The following MAML3 variants were observed in gnomAD, a reference collection of about 807,000 sequenced individuals.
MAML3 encodes the protein mastermind like transcriptional coactivator 3, also known as mastermind-like protein 3.
MAML3 carries 27 observed loss-of-function variants against 101.9 expected under a neutral mutation model. The ratio of observed to expected loss-of-function variants is 0.27; its 90% confidence interval spans 0.20 to 0.37. MAML3 has a LOEUF of 0.37. MAML3 is among the 10% of genes least tolerant of loss of function. The pLI, the probability that MAML3 is intolerant of heterozygous loss-of-function variation, is 1.00. For synonymous variants in MAML3, 501 were observed against 555.9 expected, an observed-to-expected ratio of 0.90 and a Z score of 1.39; for missense variants, 1,316 against 1,444.9, an observed-to-expected ratio of 0.91 and a Z score of 1.45.
intron 1 of MAML3, among the ~76,000 whole-genome samples, chr4:140,104,394 ATT>A (rs1491234388): frequency 1.5e-4 from 6 of 40,016 alleles, no homozygotes; most frequent in Non-Finnish European, 4.3e-4. Context: ...TATATTATAT[ATT>A]ATATAATATA....
intron 1 of MAML3, among the ~76,000 whole-genome samples, chr4:139,946,936 C>T (rs908536009): frequency 3.4e-5 from 5 of 148,184 alleles, no homozygotes; most frequent in Non-Finnish European, 7.5e-5. Context: ...CTCTCTCTCT[C>T]TCTCTCTCTC....
intron 1 of MAML3, among the ~76,000 whole-genome samples, chr4:140,092,141 G>A (rs1252882626): frequency 7.4e-6 from 1 of 135,916 alleles, no homozygotes; most frequent in African/African-American, 2.8e-5. Flanking sequence ...TAATATCAGA[G>A]GGTTAATGAA....
intron 2 of MAML3, among the ~76,000 whole-genome samples, chr4:139,857,364 C>T (rs1042257884): frequency 2.6e-5 from 4 of 152,062 alleles, no homozygotes; most frequent in African/African-American, 7.2e-5. Context: ...GGTCCCCCAC[C>T]CCACCCCCTT....
intron 2 of MAML3, among the ~76,000 whole-genome samples, chr4:139,872,653 A>C (rs954577157): frequency 1.3e-5 from 2 of 152,226 alleles, no homozygotes; most frequent in Non-Finnish European, 2.9e-5. Flanking sequence ...GAACTTCAGA[A>C]GGAAGGACAG....
intron 1 of MAML3, among the ~76,000 whole-genome samples, chr4:139,996,686 C>CATGTGTGTGTGTGTGTGTGT (rs59834103): frequency 2.0e-4 from 30 of 151,024 alleles, no homozygotes; most frequent in African/African-American, 7.3e-4. Flanking sequence ...ATAGTTGTAT[C>CATGTGTGTGTGTGTGTGTGT]GTGTGTGTGT....
At chr4:139,879,064 T>G (rs989786444) in intron 2 of MAML3, among the ~76,000 whole-genome samples, 1 of 152,150 alleles carries the variant, frequency 6.6e-6, no homozygotes, top group Admixed American at 6.6e-5. Context: ...TTTGTCCTAT[T>G]CAGAGAATCA....
At chr4:139,761,817 C>T (rs950818382) in intron 2 of MAML3, among the ~76,000 whole-genome samples, 1 of 152,118 alleles carries the variant, frequency 6.6e-6, no homozygotes, top group African/African-American at 2.4e-5. Context: ...CTGGCTGGGT[C>T]AAGGGGAGTC....
intron 1 of MAML3, among the ~76,000 whole-genome samples, chr4:140,108,754 C>T (rs1343626253): frequency 2.0e-5 from 3 of 151,766 alleles, no homozygotes; most frequent in South Asian, 4.2e-4. Flanking sequence ...TTTTCACCTA[C>T]TCTTGTTAAG....
Position 139,785,598 on chromosome 4 carries a change from G to A in MAML3, c.2080-54931C>T, listed in dbSNP as rs767111297. On this transcript the variant is annotated intron_variant, in intron 2 of 4. Coordinates refer to ENST00000509479, the MANE Select transcript of MAML3 (RefSeq NM_018717.5). This position sits in a 1 kb window ranked among gnomAD's most constrained non-coding sequence, Gnocchi z 4.3. ...TGTTTGGAAAAATATCACCCAGCAC[G>A]AACAATATGGCTCCCCAGCGCCTGG... Among the ~76,000 whole-genome samples the A allele has an allele frequency of 1.2e-4, 18 of 152,142 alleles. No homozygotes were observed. The highest frequency in any genetic ancestry group is 2.6e-4 in the Admixed American group (4 of 15,258).
intron 2 of MAML3, among the ~76,000 whole-genome samples, chr4:139,752,295 A>G (rs1036554956): frequency 1.4e-4 from 21 of 152,242 alleles, no homozygotes; most frequent in African/African-American, 4.8e-4. Context: ...AGATGTAAAA[A>G]TGTGCATCTT....
chr4:140,039,500 C>G (rs1727045391), intron 1 of MAML3, among the ~76,000 whole-genome samples: 1 of 152,068 alleles, frequency 6.6e-6, no homozygotes, highest in African/African-American at 2.4e-5. Flanking sequence ...TCTGAATCAC[C>G]AGGCCCCTAA....
chr4:139,812,985 AAAAG>A (rs34518452), intron 2 of MAML3, among the ~76,000 whole-genome samples: 3,742 of 151,038 alleles, frequency 0.025, 171 homozygotes, highest in African/African-American at 0.086. Flanking sequence ...AAAAAAAAAA[AAAAG>A]GGGAGAACCT....
chr4:139,717,220 A>G lies in MAML3; in HGVS notation c.*2103T>C, dbSNP rs1299002548. On this transcript the variant is annotated 3_prime_UTR_variant, in exon 5 of 5. Coordinates refer to ENST00000509479, the MANE Select transcript of MAML3 (RefSeq NM_018717.5). The stretch of plus-strand genomic sequence containing the variant: ...TACCTATTAGTTGGTCCCAGTACTG[A>G]GCATTTGGAGGAAGCTTTTAAAAGA... 1.3e-5 allele frequency: 2 copies of G among 152,436 alleles called. No individual in the cohort carries two copies. The highest frequency in any genetic ancestry group is 2.9e-5 in the Non-Finnish European group (2 of 68,016). 9.4% of individuals were successfully genotyped at this position (152,436 alleles called of 1,614,324 possible).
intron 2 of MAML3, among the ~76,000 whole-genome samples, chr4:139,881,210 C>T (rs146842651): frequency 5.3e-5 from 8 of 152,040 alleles, no homozygotes; most frequent in East Asian, 3.9e-4. Flanking sequence ...AAGAAGAAGG[C>T]GGGTGGATTA....
intron 1 of MAML3, among the ~76,000 whole-genome samples, chr4:140,121,294 T>C (rs1728602601): frequency 6.6e-6 from 1 of 152,230 alleles, no homozygotes; most frequent in Admixed American, 6.5e-5. Context: ...AAATGTTAAA[T>C]ACTCCTTATT....
In MAML3 at chr4:139,998,688, A is replaced by G. The variant is rs753514917; in HGVS notation, c.469-107721T>C. Among the ~76,000 whole-genome samples the G allele has an allele frequency of 3.2e-4, 48 of 152,338 alleles. 1 individual carries two copies. The highest frequency in any genetic ancestry group is 5.9e-4 in the Non-Finnish European group (40 of 68,026). On this transcript the variant is annotated intron_variant, in intron 1 of 4. Coordinates refer to ENST00000509479, the MANE Select transcript of MAML3 (RefSeq NM_018717.5). ...GAAAATGGACATTAAAGATGATACA[A>G]TGCAGCAATTCTGGATTCTGGTATT...
chr4:139,790,130 C>T lies in MAML3; in HGVS notation c.2080-59463G>A, dbSNP rs531536111. ...ATGGTGTTCTCATCTCTGGGGCAGA[C>T]GGCTTGGGAGAAACAGGTAGGGGTC... On this transcript the variant is annotated intron_variant, in intron 2 of 4. Transcript: ENST00000509479. Among the ~76,000 whole-genome samples the T allele has an allele frequency of 2.9e-4, 43 of 150,034 alleles. 1 individual carries two copies. Among genetic ancestry groups the T allele is most frequent in the Admixed American group, 1.8e-3 (27 of 14,982 alleles).
At chr4:139,738,309 T>A (rs550412418) in intron 2 of MAML3, among the ~76,000 whole-genome samples, 4 of 152,182 alleles carry the variant, frequency 2.6e-5, no homozygotes, top group South Asian at 4.1e-4. Flanking sequence ...TTTGAGAGGC[T>A]AAGGCGGGTG....
intron 2 of MAML3, among the ~76,000 whole-genome samples, chr4:139,755,708 C>T (rs751621486): frequency 6.6e-6 from 1 of 152,116 alleles, no homozygotes; most frequent in Non-Finnish European, 1.5e-5. Context: ...AACATTGACA[C>T]ATTTAACACA....
Sources: gnomAD v4.1 joint callset for allele counts (sites outside exome capture counted in the v4.1 genomes callset) on GRCh38, gnomAD v4.1.1 for gene constraint, Gnocchi (gnomAD v3.1) non-coding constraint, MANE v1.5 for transcripts, NCBI Gene and HGNC (gene_info 2026-07-23, HGNC 2026-07-21) for gene names.